Variants in SLC30A10 observed in about 807,000 individuals in gnomAD.
SLC30A10 encodes the protein solute carrier family 30 member 10.
In SLC30A10, 8 loss-of-function variants were observed where a neutral mutation model predicts 21.7. The observed-to-expected ratio is 0.37, with a 90% CI of 0.22 to 0.67. The LOEUF is 0.67. SLC30A10 is among the 30% of genes least tolerant of loss of function. The pLI, the probability that SLC30A10 is intolerant of heterozygous loss-of-function variation, is 0.58. For synonymous variants in SLC30A10, 272 were observed against 279.4 expected (o/e 0.97, Z 0.26); for missense variants, 521 against 642.5 (o/e 0.81, Z 2.04).
intron 2 of SLC30A10, among the ~76,000 whole-genome samples, chr1:219,919,184 C>T (rs1659616569): frequency 6.6e-6 from 1 of 152,120 alleles, no homozygotes; most frequent in Non-Finnish European, 1.5e-5. Context: ...TGATATAGAA[C>T]ACATGCATTC....
chr1:219,954,699 A>C (rs1196569504), intron 1 of SLC30A10, among the ~76,000 whole-genome samples: 2 of 151,836 alleles, frequency 1.3e-5, no homozygotes, highest in East Asian at 3.8e-4. Context: ...AAAAAAAAAA[A>C]AAAAACTTAA....
Position 219,947,542 on chromosome 1 carries a change from T to G in SLC30A10, n.80+11026A>C, listed in dbSNP as rs187090386. ...AGCAAGATCCTGTCTCAAAAAAAAA[T>G]TACCTCCTCAAAATTCTCTAAAGAC... On this transcript the variant is annotated intron_variant and non_coding_transcript_variant, in intron 1 of 8. Transcript: ENST00000484239. 1.1e-3 allele frequency among the ~76,000 whole-genome samples: 170 copies of G among 151,914 alleles called. 1 individual carries two copies. The Middle Eastern group carries it at 0.024, about 21-fold the overall frequency.
chr1:219,951,675 C>A (rs1571814684), intron 1 of SLC30A10, among the ~76,000 whole-genome samples: 1 of 151,214 alleles, frequency 6.6e-6, no homozygotes, highest in South Asian at 2.1e-4. Context: ...GAGCCAAGAT[C>A]GCGCCACTGC....
chr1:219,944,959 T>A (rs1660168737), intron 1 of SLC30A10, among the ~76,000 whole-genome samples: 1 of 152,132 alleles, frequency 6.6e-6, no homozygotes, highest in South Asian at 2.1e-4. Context: ...AACACATATC[T>A]AACTATATCC....
intron 1 of SLC30A10, among the ~76,000 whole-genome samples, chr1:219,944,608 A>G (rs527978247): frequency 6.6e-6 from 1 of 152,320 alleles, no homozygotes; most frequent in African/African-American, 2.4e-5. Context: ...TATAAATAGG[A>G]AAAGATAAAG....
intron 1 of SLC30A10, among the ~76,000 whole-genome samples, chr1:219,952,064 G>C (rs1201563039): frequency 6.6e-6 from 1 of 152,110 alleles, no homozygotes; most frequent in African/African-American, 2.4e-5. Context: ...TCTTGGCAAG[G>C]ATAAGGTGGC....
chr1:219,939,952 A>C lies in SLC30A10; in HGVS notation n.81-12847T>G, dbSNP rs189076998. 8.0e-3 allele frequency among the ~76,000 whole-genome samples: 1,215 copies of C among 152,240 alleles called. 6 individuals carry two copies. The highest frequency in any genetic ancestry group is 0.016 in the South Asian group (76 of 4,812). ...GATGAGAATCATAGCCAAGGGGCAA[A>C]CCGGGCAGATTGTTTTTCTAAAGAT... On this transcript the variant is annotated intron_variant and non_coding_transcript_variant, in intron 1 of 8. Coordinates refer to the SLC30A10 transcript ENST00000484239.
intron 1 of SLC30A10, among the ~76,000 whole-genome samples, chr1:219,938,018 A>G (rs942569218): frequency 7.2e-5 from 11 of 151,932 alleles, no homozygotes; most frequent in African/African-American, 2.7e-4. Context: ...TGGGGTAATT[A>G]TTATTTTTCT....
At chr1:219,943,137 C>T (rs894419982) in intron 1 of SLC30A10, among the ~76,000 whole-genome samples, 1 of 151,942 alleles carries the variant, frequency 6.6e-6, no homozygotes, top group South Asian at 2.1e-4. Context: ...CAGAATCAGA[C>T]ATGCAAAAAT....
chr1:219,945,306 T>G (rs1030751774), intron 1 of SLC30A10, among the ~76,000 whole-genome samples: 20 of 152,226 alleles, frequency 1.3e-4, no homozygotes, highest in Non-Finnish European at 2.1e-4. Flanking sequence ...ACTCATTGTA[T>G]GAATGTAAAT....
intron 1 of SLC30A10, among the ~76,000 whole-genome samples, 163 bp downstream of exon 1, chr1:219,927,638 T>TAAAAAAAAAAAAAAAAAAAAAAA (rs77015523): frequency 5.6e-5 from 3 of 53,418 alleles, no homozygotes; most frequent in Non-Finnish European, 1.1e-4. Context: ...ATGGATTTAT[T>TAAAAAAAAAAAAAAAAAAAAAAA]AAAAAAAAAA....
intron 1 of SLC30A10, among the ~76,000 whole-genome samples, chr1:219,949,858 C>A (rs879469989): frequency 6.6e-6 from 1 of 152,140 alleles, no homozygotes; most frequent in Admixed American, 6.5e-5. Context: ...GCCACAATGA[C>A]TATTGTCTCC....
At chr1:219,927,725 T>C in intron 1 of SLC30A10, 76 bp downstream of exon 1, 2 of 1,146,158 alleles carry the variant, frequency 1.7e-6, no homozygotes, top group Admixed American at 5.9e-5. Flanking sequence ...AAAGAGGGCG[T>C]GGGGTGAGAA....
chr1:219,918,432 T>C lies in SLC30A10; in HGVS notation c.781A>G (p.Ile261Val). 2.5e-6 allele frequency: 4 copies of C among 1,613,742 alleles called. No homozygotes were observed. Among genetic ancestry groups the C allele is most frequent in the Non-Finnish European group, 3.4e-6 (4 of 1,179,766 alleles). Residue 261 changes from isoleucine to valine, a missense_variant, in exon 3 of 4, where the codon ATA (isoleucine) becomes GTA (valine). Transcript: ENST00000366926. This position sits in a 1 kb window ranked among gnomAD's most constrained non-coding sequence, Gnocchi z 4.4. Reference protein sequence around the residue: ...GSVVVVITAIIFYVLPLKSED... With the variant: ...GSVVVVITAIVFYVLPLKSED... ...CTCTTCAGGGGAAGCACATAGAATA[T>C]GATGGCCGTGATGACCACAACCACG...
chr1:219,940,912 C>A (rs1423480529), intron 1 of SLC30A10, among the ~76,000 whole-genome samples: 1 of 152,144 alleles, frequency 6.6e-6, no homozygotes, highest in African/African-American at 2.4e-5. Context: ...TTGCCTTTGG[C>A]AGACCCATAA....
Position 219,911,149 on chromosome 1 carries a change from GTTTTTTTTTT to G in SLC30A10, c.*4290_*4299del. Among the ~76,000 whole-genome samples, 10 of 49,420 alleles carry G rather than the reference GTTTTTTTTTT, an allele frequency of 2.0e-4. 2 individuals are homozygous for G. Among genetic ancestry groups the G allele is most frequent in the South Asian group, 2.0e-3 (2 of 1,020 alleles). 32.4% of individuals were successfully genotyped at this position (49,420 alleles called of 152,430 possible). ...ATGTTTCTTCATTTTTTCTACATCA[GTTTTTTTTTT>G]TTTTTTTTTTTTTTTGCAGTCTTTT... On this transcript the variant is annotated 3_prime_UTR_variant, in exon 4 of 4. Coordinates refer to ENST00000366926, the MANE Select transcript of SLC30A10 (RefSeq NM_018713.3).
rs1659485970 is a variant in SLC30A10 at position 219,914,463 on chromosome 1, T to C, written c.*986A>G. The stretch of plus-strand genomic sequence containing the variant: ...ACTATAATAAATACTTTAAAATATG[T>C]CTAATTAAAGAGAAGGCAGTCTAGC... On this transcript the variant is annotated 3_prime_UTR_variant, in exon 4 of 4. Transcript: ENST00000366926. 6.6e-6 allele frequency: 1 copy of C among 152,202 alleles called. No homozygotes were observed. 9.4% of individuals were successfully genotyped at this position (152,202 alleles called of 1,614,324 possible). A position where few individuals can be genotyped will look rare whatever the true frequency, so the allele number is the denominator to read the frequency against.
At position 219,928,494 on chromosome 1, in the gene SLC30A10, G is replaced by T. The variant is rs115645353; in HGVS notation, c.-54C>A. ...CGCCCAGGGGAGCGCAGCCCACCCCGCGCGCAGCCACAGGTGGGGGGCGCG... is the reference window on the plus strand; with the variant it reads ...CGCCCAGGGGAGCGCAGCCCACCCCTCGCGCAGCCACAGGTGGGGGGCGCG... On this transcript the variant is annotated 5_prime_UTR_variant, in exon 1 of 4. Coordinates refer to ENST00000366926, the MANE Select transcript of SLC30A10 (RefSeq NM_018713.3). The surrounding 1 kb of genome is among the most constrained non-coding windows in gnomAD (Gnocchi z 6.3). The T allele has an allele frequency of 2.9e-3, 4,232 of 1,445,666 alleles. 106 individuals are homozygous for T. In the African/African-American group the frequency reaches 0.057, roughly 20 times the overall value. 89.6% of individuals were successfully genotyped at this position (1,445,666 alleles called of 1,614,324 possible). A position where few individuals can be genotyped will look rare whatever the true frequency, so the allele number is the denominator to read the frequency against.
intron 1 of SLC30A10, among the ~76,000 whole-genome samples, chr1:219,937,693 A>C (rs916253089): frequency 2.6e-5 from 4 of 152,200 alleles, no homozygotes; most frequent in African/African-American, 9.6e-5. Context: ...GTGTGCCTTT[A>C]ATCCCAGCTA....
Sources: gnomAD v4.1 joint callset for allele counts (sites outside exome capture counted in the v4.1 genomes callset) on GRCh38, gnomAD v4.1.1 for gene constraint, Gnocchi (gnomAD v3.1) non-coding constraint, MANE v1.5 for transcripts, NCBI Gene and HGNC (gene_info 2026-07-23, HGNC 2026-07-21) for gene names.